UGGT2: variants seen among roughly 807,000 people sequenced by gnomAD.
UGGT2 encodes the protein UDP-glucose:glycoprotein glucosyltransferase 2.
Under a neutral mutation model 192.1 loss-of-function variants are expected in UGGT2, and 180 were observed. The ratio of observed to expected loss-of-function variants is 0.94; its 90% CI spans 0.83 to 1.06. The LOEUF is 1.06. Ranked by LOEUF, UGGT2 falls within the 50% of genes least tolerant of loss-of-function variation. UGGT2 has a pLI of 0.00. For synonymous variants in UGGT2, 580 were observed against 591.0 expected (o/e 0.98, Z 0.27); for missense variants, 1,849 against 1,795.7 (o/e 1.03, Z -0.54).
At position 95,856,295 on chromosome 13, in the gene UGGT2, G is replaced by C. The variant is rs769991208; in HGVS notation, c.3871C>G (p.Leu1291Val). 2 of 1,612,552 alleles carry C rather than the reference G, an allele frequency of 1.2e-6. No homozygotes were observed. Among genetic ancestry groups the C allele is most frequent in the Admixed American group, 3.4e-5 (2 of 59,530 alleles). ...MAKEYGFRYE[L>V]VQYRWPRWLR... is the part of the protein sequence containing the mutation. Reference sequence around the variant, plus strand: ...CAACGGGGCCACCTATATTGAACTAGTTCATATCGGAATCCATACTCTTTA... The same window carrying C: ...CAACGGGGCCACCTATATTGAACTACTTCATATCGGAATCCATACTCTTTA... The change falls in exon 34 of 39, where the codon CTA (leucine) becomes GTA (valine). Residue 1291 changes from leucine (L) to valine (V), a missense_variant. Leu to Val is a conservative substitution (Grantham distance 32, BLOSUM62 1). Transcript: ENST00000376747.
chr13:95,945,578 G>T (rs1469934044), intron 15 of UGGT2, among the ~76,000 whole-genome samples: 1 of 152,022 alleles, frequency 6.6e-6, no homozygotes, highest in Admixed American at 6.6e-5. Flanking sequence ...ACAAAACAGA[G>T]ATTCAATATT....
At position 95,912,916 on chromosome 13, in the gene UGGT2, C is replaced by T. The variant is rs1413594116; in HGVS notation, c.2296-9856G>A. Reference sequence around the variant, plus strand: ...TATAGACCAATGGAACAGAACAGAGCCCTCAGAAATAATACCACACATCTA... The same window carrying T: ...TATAGACCAATGGAACAGAACAGAGTCCTCAGAAATAATACCACACATCTA... On this transcript the variant is annotated intron_variant, in intron 20 of 38. Transcript: ENST00000376747. Among the ~76,000 whole-genome samples the T allele has an allele frequency of 2.6e-5, 4 of 152,022 alleles. 1 individual carries two copies. The highest frequency in any genetic ancestry group is 2.6e-4 in the Admixed American group (4 of 15,246).
chr13:95,940,204 C>T (rs2049620573), intron 15 of UGGT2, 113 bp from the exon 16 acceptor site: 2 of 616,390 alleles, frequency 3.2e-6, no homozygotes, highest in East Asian at 6.9e-5. Flanking sequence ...ATACTAACTA[C>T]ACATACACAC....
chr13:96,017,034 T>G (rs2139089676), intron 4 of UGGT2, among the ~76,000 whole-genome samples: 1 of 152,336 alleles, frequency 6.6e-6, no homozygotes. Context: ...TGTTTCAGAC[T>G]TGCATGGGGC....
chr13:96,034,156 G>A (rs868499233), intron 1 of UGGT2, among the ~76,000 whole-genome samples: 38 of 152,146 alleles, frequency 2.5e-4, no homozygotes, highest in African/African-American at 9.2e-4. Context: ...CTGTGGATAG[G>A]AGCTACCCAT....
chr13:95,934,314 G>C (rs2049388917), intron 17 of UGGT2, among the ~76,000 whole-genome samples: 1 of 152,188 alleles, frequency 6.6e-6, no homozygotes, highest in Admixed American at 6.5e-5. Flanking sequence ...TGCTCTGTGT[G>C]CAGCTGAAAA....
chr13:95,991,498 C>A (rs751720508), intron 7 of UGGT2: 2 of 453,256 alleles, frequency 4.4e-6, no homozygotes, highest in South Asian at 3.1e-5. Context: ...ATAAAAAATA[C>A]AGAATATACA....
chr13:95,968,032 C>T (rs995876819), intron 12 of UGGT2, among the ~76,000 whole-genome samples: 8 of 152,068 alleles, frequency 5.3e-5, no homozygotes, highest in Admixed American at 1.3e-4. Context: ...AATCTTGTCA[C>T]ACAACACTTT....
intron 7 of UGGT2, among the ~76,000 whole-genome samples, chr13:95,994,115 T>C (rs1227777664): frequency 6.6e-6 from 1 of 152,152 alleles, no homozygotes; most frequent in Non-Finnish European, 1.5e-5. Context: ...TTATCAATGA[T>C]TTTTGTAACT....
At chr13:96,051,213 TCAG>T (rs1288611255) in intron 1 of UGGT2, among the ~76,000 whole-genome samples, 1 of 152,188 alleles carries the variant, frequency 6.6e-6, no homozygotes, top group Non-Finnish European at 1.5e-5. Context: ...ACCATCATTC[TCAG>T]CAAACTATCA....
Position 95,877,304 on chromosome 13 carries a change from A to G in UGGT2, c.3448T>C (p.Ser1150Pro). ...CCAACTATTTGATAAATATCTTCAGATTTTCCTTGGTGTAACCTCAGTATC... is the reference window on the plus strand; with the variant it reads ...CCAACTATTTGATAAATATCTTCAGGTTTTCCTTGGTGTAACCTCAGTATC... ...AWILRLHQGK[S>P]EDIYQIVGHE... Residue 1150 changes from serine (S) to proline (P), a missense_variant, in exon 29 of 39, where the codon TCT (serine) becomes CCT (proline). By Grantham distance (74) the Ser-to-Pro change is moderately conservative. Transcript: ENST00000376747. The G allele has an allele frequency of 4.4e-6, 7 of 1,602,048 alleles. No homozygotes were observed. Among genetic ancestry groups the G allele is most frequent in the Non-Finnish European group, 6.0e-6 (7 of 1,175,850 alleles).
intron 20 of UGGT2, among the ~76,000 whole-genome samples, chr13:95,921,035 C>T (rs941578815): frequency 1.3e-5 from 2 of 152,102 alleles, no homozygotes; most frequent in Admixed American, 6.6e-5. Flanking sequence ...GAAATCACAT[C>T]CTTTGCAGGG....
chr13:95,824,314 T>C (rs1479482661), intron 38 of UGGT2, among the ~76,000 whole-genome samples: 1 of 152,202 alleles, frequency 6.6e-6, no homozygotes, highest in African/African-American at 2.4e-5. Context: ...TTCTTTGAGC[T>C]TCTTGTATTT....
At chr13:95,823,941 C>T (rs1445821703) in intron 38 of UGGT2, among the ~76,000 whole-genome samples, 1 of 152,024 alleles carries the variant, frequency 6.6e-6, no homozygotes, top group African/African-American at 2.4e-5. Flanking sequence ...CTTCTTTTAG[C>T]ATTTCCTATA....
At chr13:95,902,803 C>A in intron 21 of UGGT2, 51 bp downstream of exon 21, 1 of 1,528,462 alleles carries the variant, frequency 6.5e-7, no homozygotes, top group Non-Finnish European at 8.9e-7. Flanking sequence ...TACACTCACA[C>A]TTTTAAAATA....
chr13:95,902,953 C>A lies in UGGT2; in HGVS notation c.2403G>T (p.Gln801His). The A allele has an allele frequency of 6.2e-7, 1 of 1,613,552 alleles. No homozygotes were observed. Residue 801 changes from glutamine (Q) to histidine (H), a missense_variant, in exon 21 of 39, where the codon CAG becomes CAT. Coordinates refer to ENST00000376747, the MANE Select transcript of UGGT2 (RefSeq NM_020121.4). ...GAAAGCTTCTCAAAAACATGTTCTT[C>A]TGTGTAAGAAAAGCTGCCAAAATTC... is the stretch of plus-strand genomic sequence containing the variant. Reference protein sequence around the residue: ...SRGILAAFLTQKNMFLRSFLG... With the variant: ...SRGILAAFLTHKNMFLRSFLG...
chr13:96,042,805 C>T (rs1320664483), intron 1 of UGGT2, among the ~76,000 whole-genome samples: 1 of 151,878 alleles, frequency 6.6e-6, no homozygotes, highest in Non-Finnish European at 1.5e-5. Flanking sequence ...CCCAATACAA[C>T]AAAGACAAAG....
intron 14 of UGGT2, among the ~76,000 whole-genome samples, 170 bp from the exon 15 acceptor site, chr13:95,947,342 A>C (rs544491281): frequency 1.3e-5 from 2 of 152,358 alleles, no homozygotes; most frequent in East Asian, 3.9e-4. Flanking sequence ...CCTATTCACC[A>C]AAATCCACAT....
At chr13:95,824,740 G>C (rs1462590187) in intron 38 of UGGT2, among the ~76,000 whole-genome samples, 1 of 151,994 alleles carries the variant, frequency 6.6e-6, no homozygotes, top group African/African-American at 2.4e-5. Context: ...TCCTTGAGTA[G>C]TGTAATAATC....
Sources: allele counts gnomAD v4.1 joint callset (sites outside exome capture counted in the v4.1 genomes callset), GRCh38; gene constraint gnomAD v4.1.1; transcripts MANE v1.5; gene names NCBI Gene and HGNC (gene_info 2026-07-23, HGNC 2026-07-21).